The following GNB1L variants were observed in gnomAD, a reference collection of about 807,000 sequenced individuals.
GNB1L encodes G protein subunit beta 1 like, also known as guanine nucleotide-binding protein subunit beta-like protein 1.
Under a neutral mutation model 29.1 loss-of-function variants are expected in GNB1L, and 20 were observed. The observed-to-expected ratio is 0.69, with a 90% confidence interval of 0.48 to 1.00. The LOEUF is 1.00. Among genes scored for constraint, GNB1L ranks in the 50% least tolerant of loss-of-function variants. The probability of loss-of-function intolerance (pLI) is 0.00; values close to 1 mark genes in which losing one functional copy is unlikely to be tolerated. For missense variants in GNB1L, 421 were observed against 464.9 expected (o/e 0.91, Z 0.87); for synonymous variants, 193 against 206.5 (o/e 0.93, Z 0.56).
intron 7 of GNB1L, among the ~76,000 whole-genome samples, chr22:19,795,088 A>G (rs1423901231): frequency 6.6e-6 from 1 of 152,236 alleles, no homozygotes; most frequent in Non-Finnish European, 1.5e-5. Context: ...TGCAAAGGGC[A>G]AACCTAAGAA....
rs571330240 is a variant in GNB1L, at chr22:19,813,612, C to T, written c.255-1165G>A. 1.6e-4 allele frequency among the ~76,000 whole-genome samples: 24 copies of T among 152,204 alleles called. No homozygotes were observed. The East Asian group carries it at 1.7e-3, about 11-fold the overall frequency. ...CTGAGGCATGAGAATTGTTTGAACC[C>T]GGGAGGCAGAGGTTGTGGTGAGCCA... is the stretch of plus-strand genomic sequence containing the variant. On this transcript the variant is annotated intron_variant, in intron 4 of 7. Transcript: ENST00000329517.
rs780932967 is a variant in GNB1L, at chr22:19,788,661, C to T, written c.*48G>A. On this transcript the variant is annotated 3_prime_UTR_variant, in exon 8 of 8. Coordinates refer to ENST00000329517, the MANE Select transcript of GNB1L (RefSeq NM_053004.3). The stretch of plus-strand genomic sequence containing the variant: ...TCAGGCCAAGGCTGGGGCCTGATGC[C>T]CACCTCCCTGCCCGCCCTCCTCGTC... 4 of 1,612,064 alleles carry T rather than the reference C, an allele frequency of 2.5e-6. No homozygotes were observed. In the African/African-American group the frequency reaches 4.0e-5, roughly 16 times the overall value.
At chr22:19,822,893 G>A (rs375859528) in intron 2 of GNB1L, among the ~76,000 whole-genome samples, 8 of 152,312 alleles carry the variant, frequency 5.3e-5, no homozygotes, top group African/African-American at 1.4e-4. Flanking sequence ...CTGAATACAC[G>A]CCAGCCCTCT....
intron 2 of GNB1L, among the ~76,000 whole-genome samples, chr22:19,835,373 TAAAAA>T (rs34652133): frequency 1.3e-4 from 18 of 136,312 alleles, no homozygotes; most frequent in African/African-American, 3.2e-4. Context: ...CTTAAAAATG[TAAAAA>T]AAAAAAAAAA....
chr22:19,836,743 C>G (rs533848673), intron 2 of GNB1L, among the ~76,000 whole-genome samples: 4 of 152,264 alleles, frequency 2.6e-5, no homozygotes, highest in Admixed American at 6.5e-5. Context: ...GCATTTATCT[C>G]AGGAATGCAA....
At chr22:19,789,581 G>T (rs1163743063) in intron 7 of GNB1L, among the ~76,000 whole-genome samples, 1 of 151,916 alleles carries the variant, frequency 6.6e-6, no homozygotes, top group African/African-American at 2.4e-5. Flanking sequence ...TGGGGGCAAC[G>T]TCCCCGGCTG....
At chr22:19,815,859 C>A (rs9618700) in intron 4 of GNB1L, among the ~76,000 whole-genome samples, 40,305 of 152,140 alleles carry the variant, frequency 0.26, 5,845 homozygotes, top group African/African-American at 0.38. Flanking sequence ...CAGGAGTGAG[C>A]CACTGTGCCC....
chr22:19,798,783 GA>G (rs1320081763), intron 7 of GNB1L, among the ~76,000 whole-genome samples: 1 of 152,218 alleles, frequency 6.6e-6, no homozygotes, highest in African/African-American at 2.4e-5. Flanking sequence ...AAATGAGGAT[GA>G]TGCGGGAAGC....
chr22:19,800,975 C>T (rs73148926), intron 7 of GNB1L, among the ~76,000 whole-genome samples: 2,685 of 152,336 alleles, frequency 0.018, 37 homozygotes, highest in South Asian at 0.037. Context: ...AGCAGGCTTG[C>T]TGGGGCTGCG....
chr22:19,820,261 CCA>C (rs1457436625), intron 4 of GNB1L, among the ~76,000 whole-genome samples: 1 of 152,194 alleles, frequency 6.6e-6, no homozygotes, highest in Non-Finnish European at 1.5e-5. Context: ...AAGCCACGAC[CCA>C]GTGCCCTTGT....
At chr22:19,793,275 G>C (rs1569037644) in intron 7 of GNB1L, among the ~76,000 whole-genome samples, 1 of 152,094 alleles carries the variant, frequency 6.6e-6, no homozygotes, top group Non-Finnish European at 1.5e-5. Context: ...AGAAAATATA[G>C]AACTGGAAAG....
At chr22:19,798,459 G>A (rs1937332101) in intron 7 of GNB1L, among the ~76,000 whole-genome samples, 1 of 152,220 alleles carries the variant, frequency 6.6e-6, no homozygotes, top group Non-Finnish European at 1.5e-5. Context: ...ACTGGGGCCT[G>A]CTCAGGGCCC....
chr22:19,838,936 AAAT>A (rs761765635), intron 2 of GNB1L, among the ~76,000 whole-genome samples: 1 of 152,254 alleles, frequency 6.6e-6, no homozygotes, highest in Non-Finnish European at 1.5e-5. Context: ...CTAAAACAGA[AAAT>A]AACCCAAATG....
chr22:19,789,900 T>C (rs974520827), intron 7 of GNB1L, among the ~76,000 whole-genome samples: 32 of 152,028 alleles, frequency 2.1e-4, no homozygotes, highest in African/African-American at 7.5e-4. Context: ...TAAAAAACCT[T>C]TGGTGGCCAG....
At chr22:19,824,780 C>T (rs999905782) in intron 2 of GNB1L, among the ~76,000 whole-genome samples, 2 of 152,220 alleles carry the variant, frequency 1.3e-5, no homozygotes, top group Non-Finnish European at 2.9e-5. Context: ...GTCCTGCTGG[C>T]GCAAACCCAC....
intron 7 of GNB1L, among the ~76,000 whole-genome samples, chr22:19,797,092 C>G (rs1430781472): frequency 6.6e-6 from 1 of 152,176 alleles, no homozygotes; most frequent in African/African-American, 2.4e-5. Context: ...AAGAAAACAA[C>G]CTGGGCAGAG....
chr22:19,846,258 G>A (rs1053001), intron 2 of GNB1L: 67,695 of 221,852 alleles, frequency 0.31, 12,729 homozygotes, highest in African/African-American at 0.59. Flanking sequence ...CCCTTCTGCC[G>A]CAGTTACACT....
chr22:19,805,758 G>A (rs993708927), intron 6 of GNB1L, among the ~76,000 whole-genome samples: 1 of 151,976 alleles, frequency 6.6e-6, no homozygotes, highest in Non-Finnish European at 1.5e-5. Flanking sequence ...CTCCAGCCTG[G>A]GTGACAGAGC....
At chr22:19,850,468 G>T in intron 2 of GNB1L, 1 of 1,009,984 alleles carries the variant, frequency 9.9e-7, no homozygotes, top group Non-Finnish European at 1.2e-6. Context: ...CACGATTAGA[G>T]CTACAGTGTT....
Sources: gnomAD v4.1 joint callset for allele counts (sites outside exome capture counted in the v4.1 genomes callset) on GRCh38, gnomAD v4.1.1 for gene constraint, MANE v1.5 for transcripts, NCBI Gene and HGNC (gene_info 2026-07-23, HGNC 2026-07-21) for gene names.